SHROOM3: variants seen among roughly 807,000 people sequenced by gnomAD.
The protein encoded by SHROOM3 is protein Shroom3.
SHROOM3 carries 47 observed loss-of-function variants against 138.6 expected under a neutral mutation model. The ratio of observed to expected loss-of-function variants is 0.34; its 90% CI spans 0.27 to 0.43. SHROOM3 has a LOEUF of 0.43. Among genes scored for constraint, SHROOM3 ranks in the 20% least tolerant of loss-of-function variants. SHROOM3 has a pLI of 1.00. For missense variants in SHROOM3, 2,491 were observed against 2,596.5 expected (o/e 0.96, Z 0.88); for synonymous variants, 1,062 against 1,063.3 (o/e 1.00, Z 0.02).
chr4:76,519,717 A>G (rs1732523369), intron 1 of SHROOM3, among the ~76,000 whole-genome samples: 1 of 152,176 alleles, frequency 6.6e-6, no homozygotes, highest in Non-Finnish European at 1.5e-5. Context: ...CACTGTATAC[A>G]CTGATGAATT....
At chr4:76,757,574 C>T (rs927143306) in intron 8 of SHROOM3, among the ~76,000 whole-genome samples, 5 of 152,140 alleles carry the variant, frequency 3.3e-5, no homozygotes, top group Non-Finnish European at 7.3e-5. Context: ...GAAATAGATT[C>T]GTGTACTACA....
At chr4:76,607,043 A>G (rs1321566062) in intron 2 of SHROOM3, among the ~76,000 whole-genome samples, 1 of 152,104 alleles carries the variant, frequency 6.6e-6, no homozygotes, top group Admixed American at 6.5e-5. Context: ...TGTGTGTGAA[A>G]CATTTGAGAT....
At chr4:76,705,745 G>A (rs528641309) in intron 2 of SHROOM3, among the ~76,000 whole-genome samples, 2 of 152,232 alleles carry the variant, frequency 1.3e-5, no homozygotes, top group South Asian at 4.1e-4. Context: ...ACTCATAGTG[G>A]TAATATTGAG....
chr4:76,440,021 A>C (rs551745025), intron 1 of SHROOM3, among the ~76,000 whole-genome samples: 2 of 152,338 alleles, frequency 1.3e-5, no homozygotes, highest in East Asian at 3.9e-4. Flanking sequence ...TGGTGGCATG[A>C]TTTTATTATG....
At chr4:76,705,017 C>T (rs934033063) in intron 2 of SHROOM3, among the ~76,000 whole-genome samples, 4 of 152,188 alleles carry the variant, frequency 2.6e-5, no homozygotes, top group Admixed American at 1.3e-4. Flanking sequence ...CTGGAGAGAC[C>T]ATGCCTAATG....
chr4:76,583,584 C>A (rs1577900514), intron 2 of SHROOM3, among the ~76,000 whole-genome samples: 1 of 152,346 alleles, frequency 6.6e-6, no homozygotes, highest in East Asian at 1.9e-4. Context: ...AAGCCTTTAT[C>A]TCAGAGGGTG....
intron 1 of SHROOM3, among the ~76,000 whole-genome samples, chr4:76,440,125 AAAC>A (rs1730639354): frequency 6.6e-6 from 1 of 152,242 alleles, no homozygotes; most frequent in Non-Finnish European, 1.5e-5. Context: ...TAACAACAAT[AAAC>A]AACAACAGCA....
intron 2 of SHROOM3, chr4:76,688,878 C>T (rs1193846519): frequency 1.0e-6 from 1 of 985,192 alleles, no homozygotes; most frequent in Non-Finnish European, 1.2e-6. Flanking sequence ...GCGGCATTCA[C>T]CACCACCTGC....
chr4:76,680,385 C>T (rs952432621), intron 2 of SHROOM3, among the ~76,000 whole-genome samples: 3 of 152,140 alleles, frequency 2.0e-5, no homozygotes, highest in Non-Finnish European at 4.4e-5. Flanking sequence ...ACGATCTGCC[C>T]GCCTCGGCCT....
chr4:76,717,855 G>A (rs951689392), intron 3 of SHROOM3, among the ~76,000 whole-genome samples: 2 of 152,112 alleles, frequency 1.3e-5, no homozygotes, highest in South Asian at 2.1e-4. Flanking sequence ...ATTGCCAATT[G>A]TACATTATTT....
intron 2 of SHROOM3, among the ~76,000 whole-genome samples, chr4:76,608,591 ATAG>A (rs1560563186): frequency 3.7e-5 from 4 of 108,756 alleles, no homozygotes; most frequent in East Asian, 6.2e-4. Context: ...ATAGCATAGC[ATAG>A]CATAGCATAG....
intron 1 of SHROOM3, among the ~76,000 whole-genome samples, chr4:76,489,179 T>C (rs1187071166): frequency 6.6e-6 from 1 of 152,204 alleles, no homozygotes; most frequent in Non-Finnish European, 1.5e-5. Flanking sequence ...CATGTGAAAT[T>C]CCTTTGTGGC....
At chr4:76,615,558 T>G (rs1734856514) in intron 2 of SHROOM3, among the ~76,000 whole-genome samples, 1 of 152,156 alleles carries the variant, frequency 6.6e-6, no homozygotes, top group Admixed American at 6.5e-5. Context: ...GTTTTTTAGC[T>G]AAGAATTTTA....
chr4:76,489,524 C>T (rs959420814), intron 1 of SHROOM3, among the ~76,000 whole-genome samples: 6 of 152,074 alleles, frequency 3.9e-5, no homozygotes, highest in Non-Finnish European at 5.9e-5. Flanking sequence ...TTTGAAGTTG[C>T]GCAGATGTCA....
intron 2 of SHROOM3, among the ~76,000 whole-genome samples, chr4:76,676,815 C>T (rs540502547): frequency 7.9e-5 from 12 of 151,986 alleles, no homozygotes; most frequent in Non-Finnish European, 1.3e-4. Context: ...TGATGGCCGG[C>T]GCCTGTAGTC....
At chr4:76,590,288 T>G (rs1734238608) in intron 2 of SHROOM3, among the ~76,000 whole-genome samples, 1 of 152,174 alleles carries the variant, frequency 6.6e-6, no homozygotes, top group Admixed American at 6.5e-5. Context: ...GATCATTTAG[T>G]TTATAACAAA....
intron 9 of SHROOM3, among the ~76,000 whole-genome samples, chr4:76,769,620 G>A (rs1722282954): frequency 6.6e-6 from 1 of 152,178 alleles, no homozygotes; most frequent in African/African-American, 2.4e-5. Flanking sequence ...GGAGACAGGG[G>A]AGGTAGAACA....
At chr4:76,605,913 TTCTCTCTC>T (rs1287814722) in intron 2 of SHROOM3, among the ~76,000 whole-genome samples, 49 of 141,852 alleles carry the variant, frequency 3.5e-4, no homozygotes, top group Non-Finnish European at 6.7e-4. Flanking sequence ...AGGCACAATT[TTCTCTCTC>T]TCTCTCTCTC....
At position 76,436,038 on chromosome 4, in the gene SHROOM3, G is replaced by A. The variant is rs773876511; in HGVS notation, c.-15G>A. On this transcript the variant is annotated 5_prime_UTR_variant, in exon 1 of 11. Coordinates refer to ENST00000296043, the MANE Select transcript of SHROOM3 (RefSeq NM_020859.4). ...CAGGCATTTTAAATTTAACTTGAGGGATCATGTGTTTGGCATGATGAGGAC... is the reference window on the plus strand; with the variant it reads ...CAGGCATTTTAAATTTAACTTGAGGAATCATGTGTTTGGCATGATGAGGAC... 5.0e-6 allele frequency: 8 copies of A among 1,613,330 alleles called. 1 individual carries two copies. In the South Asian group the frequency reaches 8.8e-5, roughly 18 times the overall value.
Sources: gnomAD v4.1 joint callset for allele counts (sites outside exome capture counted in the v4.1 genomes callset) on GRCh38, gnomAD v4.1.1 for gene constraint, MANE v1.5 for transcripts, NCBI Gene and HGNC (gene_info 2026-07-23, HGNC 2026-07-21) for gene names.